The following TCERG1 variants were observed in gnomAD, a reference collection of about 807,000 sequenced individuals.
The protein encoded by TCERG1 is TATA box binding protein (TBP)-associated factor, RNA polymerase II, S, 150kD.
Under a neutral mutation model 144.7 loss-of-function variants are expected in TCERG1, and 37 were observed. That is an observed-to-expected ratio of 0.26 (90% CI 0.20 to 0.34). The LOEUF is 0.34. Ranked by LOEUF, TCERG1 falls within the 10% of genes least tolerant of loss-of-function variation. The probability of loss-of-function intolerance (pLI) is 1.00; values close to 1 mark genes in which losing one functional copy is unlikely to be tolerated. For missense variants in TCERG1, 1,027 were observed against 1,380.7 expected (o/e 0.74, Z 4.06); for synonymous variants, 492 against 458.2 (o/e 1.07, Z -0.94).
At chr5:146,485,026 T>C (rs1765702789) in intron 15 of TCERG1, among the ~76,000 whole-genome samples, 1 of 152,230 alleles carries the variant, frequency 6.6e-6, no homozygotes, top group African/African-American at 2.4e-5. Context: ...TGTTTAGTGC[T>C]TTCCATTTCA....
At chr5:146,489,359 C>A (rs1172286053) in intron 15 of TCERG1, among the ~76,000 whole-genome samples, 3 of 152,060 alleles carry the variant, frequency 2.0e-5, no homozygotes, top group Non-Finnish European at 4.4e-5. Context: ...TTAAAAAAAT[C>A]CCTGCCCTTG....
Position 146,480,021 on chromosome 5 carries a change from C to G in TCERG1, c.1820-7C>G, listed in dbSNP as rs1765198562. The G allele has an allele frequency of 2.5e-6, 4 of 1,595,526 alleles. No individual in the cohort carries two copies. Among genetic ancestry groups the G allele is most frequent in the Non-Finnish European group, 2.6e-6 (3 of 1,170,948 alleles). The stretch of plus-strand genomic sequence containing the variant: ...CCTAAATATTTTAATTAAATTTTGT[C>G]TTATAGTTAAAGAGGAACAAGAATT... On this transcript the variant is annotated splice_polypyrimidine_tract_variant and splice_region_variant and intron_variant, in intron 11 of 22. Transcript: ENST00000679501.
Position 146,478,523 on chromosome 5 carries a change from C to G in TCERG1, c.1632C>G (p.Val544=). The G allele has an allele frequency of 6.2e-7, 1 of 1,607,440 alleles. No individual in the cohort carries two copies. Among genetic ancestry groups the G allele is most frequent in the Non-Finnish European group, 8.5e-7 (1 of 1,178,220 alleles). Residue 544 remains valine, a synonymous_variant, in exon 10 of 23, where the codon GTC becomes GTG. Transcript: ENST00000679501. ...WCVVWTGDER[V]FFYNPTTRLS... ...TCGTTTGGACTGGTGATGAGCGGGT[C>G]TTCTTTTATAATCCCACCACTCGTC...
chr5:146,477,692 C>CTTTTT (rs1168989847), intron 9 of TCERG1, among the ~76,000 whole-genome samples: 221 of 79,320 alleles, frequency 2.8e-3, no homozygotes, highest in Middle Eastern at 0.012. Flanking sequence ...TGGTACTTTA[C>CTTTTT]TTTTTTTTTT....
chr5:146,487,725 C>T (rs1343073534), intron 15 of TCERG1, among the ~76,000 whole-genome samples: 1 of 131,310 alleles, frequency 7.6e-6, no homozygotes. Flanking sequence ...GAACAAGACC[C>T]TGTTTCAAAA....
intron 1 of TCERG1, among the ~76,000 whole-genome samples, chr5:146,448,742 C>T (rs1012952946): frequency 6.6e-6 from 1 of 152,150 alleles, no homozygotes; most frequent in Non-Finnish European, 1.5e-5. Flanking sequence ...ATCTGAAATC[C>T]TTTAAACTCC....
At chr5:146,478,423 G>T in intron 9 of TCERG1, 70 bp from the exon 10 acceptor site, 1 of 1,439,244 alleles carries the variant, frequency 6.9e-7, no homozygotes, top group Non-Finnish European at 9.2e-7. Flanking sequence ...CTTGTAACAG[G>T]CTGAAAGAAG....
chr5:146,491,163 T>G (rs960493562), intron 15 of TCERG1, among the ~76,000 whole-genome samples: 5 of 151,922 alleles, frequency 3.3e-5, no homozygotes, highest in African/African-American at 1.2e-4. Context: ...TTTTTTTTTT[T>G]GCATGTAGAG....
At chr5:146,492,242 A>C (rs1035864991) in intron 15 of TCERG1, among the ~76,000 whole-genome samples, 1 of 152,192 alleles carries the variant, frequency 6.6e-6, no homozygotes, top group Non-Finnish European at 1.5e-5. Context: ...TTTCAGAAAA[A>C]AAAACTTGAG....
intron 16 of TCERG1, among the ~76,000 whole-genome samples, chr5:146,494,517 A>G (rs1005340761): frequency 6.6e-6 from 1 of 152,126 alleles, no homozygotes; most frequent in African/African-American, 2.4e-5. Flanking sequence ...TGTATTATGC[A>G]GGTTACTTCA....
intron 16 of TCERG1, among the ~76,000 whole-genome samples, chr5:146,495,178 T>A (rs941604276): frequency 3.0e-4 from 45 of 152,330 alleles, no homozygotes; most frequent in African/African-American, 9.9e-4. Flanking sequence ...TTATCCCTTA[T>A]CCCAAATGCT....
At chr5:146,481,266 A>T in intron 13 of TCERG1, 66 bp downstream of exon 13, 3 of 789,036 alleles carry the variant, frequency 3.8e-6, no homozygotes, top group Non-Finnish European at 4.6e-6. Flanking sequence ...TGAGATAGAT[A>T]GTGATAGTTT....
chr5:146,466,020 C>CA (rs57028887), intron 5 of TCERG1, among the ~76,000 whole-genome samples: 1,790 of 81,956 alleles, frequency 0.022, 33 homozygotes, highest in African/African-American at 0.052. Context: ...AACTCTGTCT[C>CA]AAAAAAAAAA....
chr5:146,490,694 T>A (rs182527383), intron 15 of TCERG1, among the ~76,000 whole-genome samples: 1 of 152,328 alleles, frequency 6.6e-6, no homozygotes, highest in Non-Finnish European at 1.5e-5. Context: ...TCAGCTCTTT[T>A]AGTTACGGGA....
At chr5:146,496,423 C>G (rs1766904867) in intron 16 of TCERG1, among the ~76,000 whole-genome samples, 2 of 152,090 alleles carry the variant, frequency 1.3e-5, no homozygotes, top group South Asian at 2.1e-4. Context: ...TTTCCCCTAC[C>G]TCAGTCTTTT....
intron 12 of TCERG1, 188 bp downstream of exon 12, chr5:146,480,282 A>G (rs978132581): frequency 4.0e-5 from 17 of 426,166 alleles, no homozygotes; most frequent in Middle Eastern, 6.5e-4. Context: ...CTAGATTTGT[A>G]GAAGATTTGG....
intron 7 of TCERG1, among the ~76,000 whole-genome samples, chr5:146,469,969 C>T (rs748795280): frequency 9.2e-5 from 14 of 151,882 alleles, no homozygotes; most frequent in South Asian, 2.1e-4. Flanking sequence ...GTTATATGTA[C>T]GTACATATGT....
In TCERG1 at chr5:146,459,116, A is replaced by G. The variant is rs1466484747; in HGVS notation, c.671A>G (p.Gln224Arg). The part of the protein sequence containing the change: ...QAQAQAQAQA[Q>R]AQAQAQAQAQ... ...CAGGCCCAGGCCCAGGCCCAAGCCC[A>G]AGCCCAGGCCCAGGCTCAGGCTCAG... The change falls in exon 4 of 23, where the codon CAA (glutamine) becomes CGA (arginine). Residue 224 changes from glutamine to arginine, a missense_variant. Transcript: ENST00000679501. The G allele has an allele frequency of 1.3e-6, 2 of 1,597,280 alleles. No individual in the cohort carries two copies. Among genetic ancestry groups the G allele is most frequent in the East Asian group, 2.2e-5 (1 of 44,632 alleles).
At chr5:146,477,692 CTTTTTTTTT>C (rs1168989847) in intron 9 of TCERG1, among the ~76,000 whole-genome samples, 1 of 79,388 alleles carries the variant, frequency 1.3e-5, no homozygotes, top group Non-Finnish European at 2.4e-5. Flanking sequence ...TGGTACTTTA[CTTTTTTTTT>C]TTTTTTTTTT....
Sources: gnomAD v4.1 joint callset for allele counts (sites outside exome capture counted in the v4.1 genomes callset) on GRCh38, gnomAD v4.1.1 for gene constraint, MANE v1.5 for transcripts, NCBI Gene and HGNC (gene_info 2026-07-23, HGNC 2026-07-21) for gene names.